The following RAB18 variants were observed in gnomAD, a reference collection of about 807,000 sequenced individuals.
The protein encoded by RAB18 is ras-related protein Rab-18.
A neutral mutation model predicts 28.5 loss-of-function variants in RAB18; 10 were observed. The observed-to-expected ratio is 0.35, with a 90% CI of 0.22 to 0.60. The LOEUF is 0.60. RAB18 is among the 20% of genes least tolerant of loss of function. The pLI, the probability that RAB18 is intolerant of heterozygous loss-of-function variation, is 0.78. For missense variants in RAB18, 188 were observed against 244.2 expected (o/e 0.77, Z 1.53); for synonymous variants, 93 against 86.9 (o/e 1.07, Z -0.39).
At chr10:27,508,294 A>C (rs1429290417) in intron 1 of RAB18, among the ~76,000 whole-genome samples, 1 of 152,244 alleles carries the variant, frequency 6.6e-6, no homozygotes, top group Non-Finnish European at 1.5e-5. Context: ...ACTGTTAATA[A>C]CAAAGGCCAT....
chr10:27,534,091 GT>G, intron 6 of RAB18, 97 bp downstream of exon 6: 1 of 1,196,182 alleles, frequency 8.4e-7, no homozygotes, highest in Non-Finnish European at 1.2e-6. Context: ...CATAAAATGT[GT>G]TTAGAGTATT....
At chr10:27,509,796 G>T in intron 1 of RAB18, 79 bp from the exon 2 acceptor site, 1 of 1,191,114 alleles carries the variant, frequency 8.4e-7, no homozygotes, top group South Asian at 1.2e-5. Context: ...AATAATTTGT[G>T]ACCAAATAAT....
intron 2 of RAB18, among the ~76,000 whole-genome samples, chr10:27,517,255 C>T (rs921268874): frequency 6.6e-6 from 1 of 151,844 alleles, no homozygotes; most frequent in Non-Finnish European, 1.5e-5. Context: ...CCCAGCCACT[C>T]GGGAGGCTGA....
Position 27,537,968 on chromosome 10 carries a change from A to G in RAB18, c.538A>G (p.Asn180Asp). Residue 180 changes from asparagine (N) to aspartate (D), a missense_variant, in exon 7 of 7, where the codon AAC (asparagine) becomes GAC (aspartate). Asn to Asp is a conservative substitution (Grantham distance 23). Transcript: ENST00000356940. ...GACCCCTGGACTGTGGGAAAGTGAGAACCAGAATAAAGGAGTCAAACTGTC... is the reference window on the plus strand; with the variant it reads ...GACCCCTGGACTGTGGGAAAGTGAGGACCAGAATAAAGGAGTCAAACTGTC... ...IQTPGLWESE[N>D]QNKGVKLSHR... is the part of the protein sequence containing the mutation. 2 of 1,614,152 alleles carry G rather than the reference A, an allele frequency of 1.2e-6. No homozygotes were observed. The highest frequency in any genetic ancestry group is 1.7e-6 in the Non-Finnish European group (2 of 1,180,000).
In RAB18 at chr10:27,512,962, A is replaced by G. The variant is rs895620875; in HGVS notation, c.124+3032A>G. ...AGGCCCTAGATCTTGAATATGTTGA[A>G]CAAAATATCTTTTACATTGAAGCAT... On this transcript the variant is annotated intron_variant, in intron 2 of 6. Coordinates refer to ENST00000356940, the MANE Select transcript of RAB18 (RefSeq NM_021252.5). Among the ~76,000 whole-genome samples the G allele has an allele frequency of 5.3e-5, 8 of 151,466 alleles. No homozygotes were observed. In the South Asian group the frequency reaches 1.7e-3, roughly 32 times the overall value.
At chr10:27,528,746 A>G (rs531102928) in intron 3 of RAB18, among the ~76,000 whole-genome samples, 30 of 152,160 alleles carry the variant, frequency 2.0e-4, no homozygotes, top group African/African-American at 6.3e-4. Context: ...TTACTTTAGA[A>G]TGTGTAGCTG....
rs189651906 is a variant in RAB18, at chr10:27,540,074, C to T, written c.*2023C>T. 3.3e-5 allele frequency: 15 copies of T among 453,918 alleles called. No homozygotes were observed. The highest frequency in any genetic ancestry group is 3.1e-4 in the Admixed American group (13 of 42,560). 28.1% of individuals were successfully genotyped at this position (453,918 alleles called of 1,614,324 possible). A position where few individuals can be genotyped will look rare whatever the true frequency, so the allele number is the denominator to read the frequency against. ...CTTAAAGGGTCTTTTGCAGATGGTA[C>T]AAATTAGAACAATTAGAATATAGTA... is the stretch of plus-strand genomic sequence containing the variant. On this transcript the variant is annotated 3_prime_UTR_variant, in exon 7 of 7. Transcript: ENST00000356940.
chr10:27,526,213 G>A (rs1440434746), intron 2 of RAB18, among the ~76,000 whole-genome samples: 1 of 152,132 alleles, frequency 6.6e-6, no homozygotes, highest in East Asian at 1.9e-4. Flanking sequence ...TTAGATGGTT[G>A]TATATAAATG....
Position 27,542,228 on chromosome 10 carries a change from T to C in RAB18, c.*4177T>C. 2.2e-6 allele frequency: 1 copy of C among 454,144 alleles called. No homozygotes were observed. The highest frequency in any genetic ancestry group is 1.6e-5 in the South Asian group (1 of 64,476). The allele number at this position is 454,144 out of a possible 1,614,324, so 28.1% of individuals were successfully genotyped here. A position where few individuals can be genotyped will look rare whatever the true frequency, so the allele number is the denominator to read the frequency against. On this transcript the variant is annotated 3_prime_UTR_variant, in exon 7 of 7. Transcript: ENST00000356940. Reference sequence around the variant, plus strand: ...TATGTGAGCCAATAAATTCCTTTTTTGTTGAAGGCAATTTGACTTGGATTT... The same window carrying C: ...TATGTGAGCCAATAAATTCCTTTTTCGTTGAAGGCAATTTGACTTGGATTT...
rs1205983596 is a variant in RAB18 at position 27,541,471 on chromosome 10, C to G, written c.*3420C>G. On this transcript the variant is annotated 3_prime_UTR_variant, in exon 7 of 7. Transcript: ENST00000356940. ...TATTGTTTCATACTTGGGAATCAGT[C>G]ATGTTTCTGATTGTGGTATAAAGTT... 3 of 453,462 alleles carry G rather than the reference C, an allele frequency of 6.6e-6. No homozygotes were observed. Among genetic ancestry groups the G allele is most frequent in the Admixed American group, 4.7e-5 (2 of 42,494 alleles). 28.1% of individuals were successfully genotyped at this position (453,462 alleles called of 1,614,324 possible).
Position 27,513,553 on chromosome 10 carries a change from G to A in RAB18, c.124+3623G>A, listed in dbSNP as rs1054523474. Among the ~76,000 whole-genome samples, 19 of 152,090 alleles carry A rather than the reference G, an allele frequency of 1.2e-4. No individual in the cohort carries two copies. In the East Asian group the frequency reaches 3.7e-3, roughly 29 times the overall value. On this transcript the variant is annotated intron_variant, in intron 2 of 6. Transcript: ENST00000356940. ...ATTTGCAGATGGTACTATAAAGTTAGCATTCTTCTTTCTTGGCAATTAGCT... is the reference window on the plus strand; with the variant it reads ...ATTTGCAGATGGTACTATAAAGTTAACATTCTTCTTTCTTGGCAATTAGCT...
chr10:27,541,681 G>A lies in RAB18; in HGVS notation c.*3630G>A, dbSNP rs970085832. Reference sequence around the variant, plus strand: ...TTTAACCGGAGAAGCAACAAATTACGTAGTTTTTTTTGTGTTTCTTTGATT... The same window carrying A: ...TTTAACCGGAGAAGCAACAAATTACATAGTTTTTTTTGTGTTTCTTTGATT... On this transcript the variant is annotated 3_prime_UTR_variant, in exon 7 of 7. Coordinates refer to ENST00000356940, the MANE Select transcript of RAB18 (RefSeq NM_021252.5). 12 of 445,362 alleles carry A rather than the reference G, an allele frequency of 2.7e-5. No homozygotes were observed. Among genetic ancestry groups the A allele is most frequent in the South Asian group, 8.0e-5 (5 of 62,274 alleles). The allele number at this position is 445,362 out of a possible 1,614,324, so 27.6% of individuals were successfully genotyped here. A position where few individuals can be genotyped will look rare whatever the true frequency, so the allele number is the denominator to read the frequency against.
intron 2 of RAB18, among the ~76,000 whole-genome samples, chr10:27,522,860 A>AT (rs1834589086): frequency 6.6e-6 from 1 of 151,660 alleles, no homozygotes; most frequent in Admixed American, 6.6e-5. Context: ...AAATGGTGTG[A>AT]TTTTTTTCAT....
chr10:27,532,638 A>T (rs544144077), intron 4 of RAB18, 59 bp downstream of exon 4: 1 of 1,298,786 alleles, frequency 7.7e-7, no homozygotes, highest in South Asian at 1.2e-5. Flanking sequence ...TGATTGTCCT[A>T]GTCTGTGAAA....
At chr10:27,519,476 A>G (rs1834504354) in intron 2 of RAB18, among the ~76,000 whole-genome samples, 1 of 152,144 alleles carries the variant, frequency 6.6e-6, no homozygotes. Context: ...AGAAGAATGT[A>G]AAAATCCACA....
At chr10:27,525,348 T>C (rs1834650544) in intron 2 of RAB18, among the ~76,000 whole-genome samples, 1 of 152,072 alleles carries the variant, frequency 6.6e-6, no homozygotes, top group African/African-American at 2.4e-5. Context: ...GTGTAGTGTC[T>C]GCCAGTGGCT....
In RAB18 at chr10:27,540,705, G is replaced by A. The variant is rs922413538; in HGVS notation, c.*2654G>A. 5 of 453,906 alleles carry A rather than the reference G, an allele frequency of 1.1e-5. No individual in the cohort carries two copies. The highest frequency in any genetic ancestry group is 2.2e-5 in the Non-Finnish European group (5 of 226,764). 28.1% of individuals were successfully genotyped at this position (453,906 alleles called of 1,614,324 possible). A position where few individuals can be genotyped will look rare whatever the true frequency, so the allele number is the denominator to read the frequency against. Reference sequence around the variant, plus strand: ...TTTTTATGTGAGAATAGAAATTATGGAAACAGTAATTTGCTCAAAACTGAA... The same window carrying A: ...TTTTTATGTGAGAATAGAAATTATGAAAACAGTAATTTGCTCAAAACTGAA... On this transcript the variant is annotated 3_prime_UTR_variant, in exon 7 of 7. Coordinates refer to ENST00000356940, the MANE Select transcript of RAB18 (RefSeq NM_021252.5).
At chr10:27,510,738 A>G (rs1834308479) in intron 2 of RAB18, among the ~76,000 whole-genome samples, 1 of 152,220 alleles carries the variant, frequency 6.6e-6, no homozygotes, top group African/African-American at 2.4e-5. Context: ...TGATCTGATG[A>G]GGAGAATATA....
chr10:27,539,052 A>G lies in RAB18; in HGVS notation c.*1001A>G, dbSNP rs1206876986. 10 of 430,050 alleles carry G rather than the reference A, an allele frequency of 2.3e-5. No homozygotes were observed. The allele number at this position is 430,050 out of a possible 1,614,324, so 26.6% of individuals were successfully genotyped here. ...AAAGGCATATTGCTTCCAGATTCTG[A>G]TGTGTGAGGGAAAATACTGTCACAA... On this transcript the variant is annotated 3_prime_UTR_variant, in exon 7 of 7. Coordinates refer to ENST00000356940, the MANE Select transcript of RAB18 (RefSeq NM_021252.5).
Sources: gnomAD v4.1 joint callset for allele counts (sites outside exome capture counted in the v4.1 genomes callset) on GRCh38, gnomAD v4.1.1 for gene constraint, MANE v1.5 for transcripts, NCBI Gene and HGNC (gene_info 2026-07-23, HGNC 2026-07-21) for gene names.